DEFB118: variants seen among roughly 807,000 people sequenced by gnomAD.
The protein encoded by DEFB118 is defensin, beta 18.
In DEFB118, 3 loss-of-function variants were observed where a neutral mutation model predicts 2.8. The ratio of observed to expected loss-of-function variants is 1.09; its 90% CI spans 0.50 to 2.82. The LOEUF (loss-of-function observed/expected upper bound fraction) is 2.82, where lower values mean the gene tolerates loss of function less well. Ranked by LOEUF, DEFB118 falls within the 30% of genes most tolerant of loss-of-function variation. The pLI is 0.04. For missense variants in DEFB118, 159 were observed against 144.6 expected, an observed-to-expected ratio of 1.10 and a Z score of -0.51; for synonymous variants, 63 against 53.5, an observed-to-expected ratio of 1.18 and a Z score of -0.78.
At chr20:31,369,145 A>C (rs1377342126) in intron 1 of DEFB118, among the ~76,000 whole-genome samples, 1 of 152,206 alleles carries the variant, frequency 6.6e-6, no homozygotes, top group Non-Finnish European at 1.5e-5. Context: ...GGAAGACAGA[A>C]CTGGCTTTTC....
In DEFB118 at chr20:31,373,323, C is replaced by A. The variant is rs1986249387; in HGVS notation, c.*153C>A. On this transcript the variant is annotated 3_prime_UTR_variant, in exon 2 of 2. Coordinates refer to ENST00000253381, the MANE Select transcript of DEFB118 (RefSeq NM_054112.3). Reference sequence around the variant, plus strand: ...GCTGTGTAAAGAAGTCTAAAATTTTCACTATTTCCAATGATAAACTCTTCA... The same window carrying A: ...GCTGTGTAAAGAAGTCTAAAATTTTAACTATTTCCAATGATAAACTCTTCA... The A allele has an allele frequency of 7.7e-6, 5 of 649,086 alleles. No individual in the cohort carries two copies. Among genetic ancestry groups the A allele is most frequent in the Non-Finnish European group, 2.6e-6 (1 of 387,090 alleles). The allele number at this position is 649,086 out of a possible 1,614,324, so 40.2% of individuals were successfully genotyped here. A position where few individuals can be genotyped will look rare whatever the true frequency, so the allele number is the denominator to read the frequency against.
At chr20:31,368,753 T>C (rs771571575) in intron 1 of DEFB118, 45 bp downstream of exon 1, 40 of 1,579,966 alleles carry the variant, frequency 2.5e-5, no homozygotes, top group Non-Finnish European at 3.3e-5. Context: ...GTATAGTGGG[T>C]TCTGGCTCAT....
At chr20:31,372,148 A>G (rs1986220305) in intron 1 of DEFB118, among the ~76,000 whole-genome samples, 1 of 152,230 alleles carries the variant, frequency 6.6e-6, no homozygotes, top group Non-Finnish European at 1.5e-5. Flanking sequence ...GCTGCAATAA[A>G]CATACACTAC....
chr20:31,369,643 G>A (rs760997), intron 1 of DEFB118, among the ~76,000 whole-genome samples: 65,654 of 151,852 alleles, frequency 0.43, 16,692 homozygotes, highest in East Asian at 0.73. Context: ...ATCCGCCTCG[G>A]TCTCCCAAAG....
intron 1 of DEFB118, among the ~76,000 whole-genome samples, chr20:31,369,926 A>G (rs1394668015): frequency 1.3e-5 from 2 of 152,172 alleles, no homozygotes; most frequent in African/African-American, 4.8e-5. Context: ...ATAGATTCCT[A>G]GAGGGCAAAT....
intron 1 of DEFB118, among the ~76,000 whole-genome samples, chr20:31,371,661 T>C (rs1209022171): frequency 1.3e-5 from 2 of 152,044 alleles, no homozygotes; most frequent in East Asian, 3.9e-4. Flanking sequence ...GGACATATGC[T>C]TATTTTATAC....
chr20:31,373,046 A>G lies in DEFB118; in HGVS notation c.248A>G (p.Asp83Gly). ...LSDSTPGIID[D>G]ILTVRFTTDY... The stretch of plus-strand genomic sequence containing the variant: ...GACTCAACACCAGGAATTATTGATG[A>G]TATTTTAACAGTAAGGTTCACGACA... The change falls in exon 2 of 2, where the codon GAT becomes GGT. Residue 83 changes from aspartate (D) to glycine (G), a missense_variant. Coordinates refer to ENST00000253381, the MANE Select transcript of DEFB118 (RefSeq NM_054112.3). The G allele has an allele frequency of 6.2e-7, 1 of 1,614,224 alleles. No homozygotes were observed. Among genetic ancestry groups the G allele is most frequent in the East Asian group, 2.2e-5 (1 of 44,890 alleles).
intron 1 of DEFB118, 74 bp from the exon 2 acceptor site, chr20:31,372,783 A>T: frequency 8.5e-7 from 1 of 1,173,918 alleles, no homozygotes; most frequent in Non-Finnish European, 1.2e-6. Flanking sequence ...ATAGGATGCG[A>T]GATATACAGT....
chr20:31,373,512 C>A lies in DEFB118; in HGVS notation c.*342C>A. 1 of 247,172 alleles carries A rather than the reference C, an allele frequency of 4.0e-6. No homozygotes were observed. Among genetic ancestry groups the A allele is most frequent in the Non-Finnish European group, 7.8e-6 (1 of 127,696 alleles). The allele number at this position is 247,172 out of a possible 1,614,324, so 15.3% of individuals were successfully genotyped here. On this transcript the variant is annotated 3_prime_UTR_variant, in exon 2 of 2. Coordinates refer to ENST00000253381, the MANE Select transcript of DEFB118 (RefSeq NM_054112.3). ...GTCTTCTCAACAGCTGTCTTCATGG[C>A]AGCATAAGTGGTCATGATCAAAATT...
intron 1 of DEFB118, among the ~76,000 whole-genome samples, chr20:31,369,550 C>T (rs1986177786): frequency 6.6e-6 from 1 of 151,994 alleles, no homozygotes; most frequent in Admixed American, 6.6e-5. Context: ...CCATCATGTC[C>T]GACTAATTTT....
chr20:31,373,164 C>G lies in DEFB118; in HGVS notation c.366C>G (p.Ser122Arg), dbSNP rs2122273909. 1 of 1,612,084 alleles carries G rather than the reference C, an allele frequency of 6.2e-7. No homozygotes were observed. The highest frequency in any genetic ancestry group is 8.5e-7 in the Non-Finnish European group (1 of 1,178,950). Residue 122 changes from serine to arginine, a missense_variant, in exon 2 of 2, where the codon AGC (serine) becomes AGG (arginine). By Grantham distance (110) the Ser-to-Arg change is moderately radical. Coordinates refer to ENST00000253381, the MANE Select transcript of DEFB118 (RefSeq NM_054112.3). ...TETSLPNVHH[S>R]S ...CCTCTCTTCCAAATGTTCACCATAGCTCATGACTTCCTCTCGGCTATCACT... is the reference window on the plus strand; with the variant it reads ...CCTCTCTTCCAAATGTTCACCATAGGTCATGACTTCCTCTCGGCTATCACT...
intron 1 of DEFB118, among the ~76,000 whole-genome samples, chr20:31,370,470 C>T (rs1986194502): frequency 6.6e-6 from 1 of 152,160 alleles, no homozygotes; most frequent in Non-Finnish European, 1.5e-5. Flanking sequence ...GGAAATATTA[C>T]ATGATCTGGG....
chr20:31,368,629 C>G lies in DEFB118; in HGVS notation c.-22C>G, dbSNP rs766997910. 6.2e-7 allele frequency: 1 copy of G among 1,613,206 alleles called. No homozygotes were observed. The highest frequency in any genetic ancestry group is 1.7e-5 in the Admixed American group (1 of 60,014). On this transcript the variant is annotated 5_prime_UTR_variant, in exon 1 of 2. Coordinates refer to ENST00000253381, the MANE Select transcript of DEFB118 (RefSeq NM_054112.3). ...CAGTATTCTGAACTCCTGGATCTAC[C>G]ACCTCCTGCTTCCCAAGGACCATGA...
chr20:31,371,830 TC>T (rs1343509720), intron 1 of DEFB118, among the ~76,000 whole-genome samples: 1 of 152,018 alleles, frequency 6.6e-6, no homozygotes, highest in Non-Finnish European at 1.5e-5. Context: ...TTTTCATCCC[TC>T]CCCCTCCTCT....
chr20:31,369,385 G>GTTTTTTTTT lies in DEFB118; in HGVS notation c.58+690_58+698dup, dbSNP rs71185357. ...CTGCATGGCTATGCAGCACTCTTGT[G>GTTTTTTTTT]TTTTTTTTTTTTTTTTTTTTTGAAG... On this transcript the variant is annotated intron_variant, in intron 1 of 1. Coordinates refer to ENST00000253381, the MANE Select transcript of DEFB118 (RefSeq NM_054112.3). Among the ~76,000 whole-genome samples, 4 of 103,914 alleles carry GTTTTTTTTT rather than the reference G, an allele frequency of 3.8e-5. 1 individual carries two copies. The highest frequency in any genetic ancestry group is 1.5e-4 in the African/African-American group (4 of 26,068). 68.2% of individuals were successfully genotyped at this position (103,914 alleles called of 152,430 possible).
Position 31,373,069 on chromosome 20 carries a change from A to G in DEFB118, c.271A>G (p.Thr91Ala), listed in dbSNP as rs1166845924. 6.2e-7 allele frequency: 1 copy of G among 1,614,242 alleles called. No homozygotes were observed. Among genetic ancestry groups the G allele is most frequent in the Admixed American group, 1.7e-5 (1 of 60,024 alleles). ...TGATATTTTAACAGTAAGGTTCACG[A>G]CAGACTACTTTGAAGTAAGCAGCAA... ...IDDILTVRFT[T>A]DYFEVSSKKD... The change falls in exon 2 of 2, where the codon ACA (threonine) becomes GCA (alanine). Residue 91 changes from threonine (T) to alanine (A), a missense_variant. Physicochemically the swap from Thr to Ala is moderately conservative, Grantham distance 58. Transcript: ENST00000253381.
Position 31,373,041 on chromosome 20 carries a change from T to C in DEFB118, c.243T>C (p.Ile81=), listed in dbSNP as rs766358215. ...TGAGTGACTCAACACCAGGAATTAT[T>C]GATGATATTTTAACAGTAAGGTTCA... ...TPLSDSTPGI[I]DDILTVRFTT... is the part of the protein sequence containing the mutation. Residue 81 remains isoleucine (I), a synonymous_variant, in exon 2 of 2, where the codon ATT becomes ATC. Coordinates refer to ENST00000253381, the MANE Select transcript of DEFB118 (RefSeq NM_054112.3). The C allele has an allele frequency of 9.9e-6, 16 of 1,614,156 alleles. No homozygotes were observed. The highest frequency in any genetic ancestry group is 1.3e-5 in the Non-Finnish European group (15 of 1,180,036).
chr20:31,372,480 C>T (rs558730073), intron 1 of DEFB118, among the ~76,000 whole-genome samples: 1 of 152,154 alleles, frequency 6.6e-6, no homozygotes, highest in South Asian at 2.1e-4. Flanking sequence ...ACCAGGGAGG[C>T]GGAGGTTGCA....
At chr20:31,368,961 C>T (rs542270870) in intron 1 of DEFB118, among the ~76,000 whole-genome samples, 19 of 152,368 alleles carry the variant, frequency 1.2e-4, no homozygotes, top group African/African-American at 4.3e-4. Context: ...AAGCTCGGCT[C>T]ACATCTGTTC....
Sources: gnomAD v4.1 joint callset for allele counts (sites outside exome capture counted in the v4.1 genomes callset) on GRCh38, gnomAD v4.1.1 for gene constraint, MANE v1.5 for transcripts, NCBI Gene and HGNC (gene_info 2026-07-23, HGNC 2026-07-21) for gene names.